FAM186B: variants seen among roughly 807,000 people sequenced by gnomAD.
FAM186B encodes the protein protein FAM186B.
A neutral mutation model predicts 83.4 loss-of-function variants in FAM186B; 68 were observed. That is an observed-to-expected ratio of 0.81 (90% CI 0.67 to 1.00). The LOEUF (loss-of-function observed/expected upper bound fraction) is 1.00, where lower values mean the gene tolerates loss of function less well. Among genes scored for constraint, FAM186B ranks in the 50% least tolerant of loss-of-function variants. FAM186B has a pLI of 0.00. For missense variants in FAM186B, 983 were observed against 1,099.2 expected, an observed-to-expected ratio of 0.89 and a Z score of 1.49; for synonymous variants, 389 against 422.0, an observed-to-expected ratio of 0.92 and a Z score of 0.96.
In FAM186B at chr12:49,600,234, C is replaced by T; in HGVS notation, c.1406G>A (p.Arg469Lys). ...CTCTTGGCTCTCAGAGGTCACCTGC[C>T]TGGAGCTCTCTAGAGACAGCTGCTT... ...CSKQLSLESS[R>K]QVTSESQEEP... The change falls in exon 4 of 7, where the codon AGG becomes AAG. Residue 469 changes from arginine to lysine, a missense_variant. By Grantham distance (26) the Arg-to-Lys change is conservative (BLOSUM62 2). Transcript: ENST00000257894. The surrounding 1 kb of genome is among the most constrained non-coding windows in gnomAD (Gnocchi z 4.3). The T allele has an allele frequency of 6.2e-7, 1 of 1,613,472 alleles. No homozygotes were observed.
chr12:49,599,591 C>T lies in FAM186B; in HGVS notation c.2049G>A (p.Arg683=). 1 of 1,612,992 alleles carries T rather than the reference C, an allele frequency of 6.2e-7. No homozygotes were observed. The highest frequency in any genetic ancestry group is 1.1e-5 in the South Asian group (1 of 90,916). ...CTTTGCTGCGCAGGTAGTGGGGCAG[C>T]CTCAACTCAGACTCCTCACTCAGGA... The part of the protein sequence containing the change: ...LQLLSEESEL[R]LPHYLRSKAL... The change falls in exon 4 of 7, where the codon AGG becomes AGA. Residue 683 remains arginine (R), a synonymous_variant. Coordinates refer to ENST00000257894, the MANE Select transcript of FAM186B (RefSeq NM_032130.3).
intron 6 of FAM186B, 65 bp from the exon 7 acceptor site, chr12:49,587,817 C>T: frequency 2.6e-6 from 4 of 1,540,072 alleles, no homozygotes; most frequent in Non-Finnish European, 3.5e-6. Context: ...AAGAGACTCT[C>T]CAGAGCCATC....
the FAM186B span, among the ~76,000 whole-genome samples, chr12:49,619,135 T>C: frequency 1.3e-5 from 2 of 152,158 alleles, no homozygotes; most frequent in Non-Finnish European, 2.9e-5. Context: ...AGGGTCACAG[T>C]TGAAAAATGA....
the FAM186B span, among the ~76,000 whole-genome samples, chr12:49,618,476 C>T: frequency 1.3e-5 from 2 of 151,262 alleles, no homozygotes; most frequent in Admixed American, 6.6e-5. Context: ...CTAAGACCTC[C>T]AAGAAAAGAA....
At chr12:49,601,165 A>G (rs764349884) in intron 3 of FAM186B, 31 bp from the exon 4 acceptor site, 13 of 1,518,040 alleles carry the variant, frequency 8.6e-6, no homozygotes, top group Non-Finnish European at 5.3e-6. Context: ...AAAGTCAACG[A>G]TTTCTCATGG....
intron 2 of FAM186B, among the ~76,000 whole-genome samples, 185 bp from the exon 3 acceptor site, chr12:49,603,552 C>T (rs1040019366): frequency 6.6e-5 from 10 of 152,128 alleles, no homozygotes; most frequent in Admixed American, 1.3e-4. Context: ...AAAAGAACTG[C>T]GTGAAGATTA....
At chr12:49,606,451 C>T (rs1369664992), upstream of FAM186B, among the ~76,000 whole-genome samples, 8 of 151,620 alleles carry the variant, frequency 5.3e-5, no homozygotes, top group Admixed American at 1.3e-4. Flanking sequence ...GCCATGTTCA[C>T]GCCACTACAC....
intron 5 of FAM186B, chr12:49,595,525 G>T: frequency 2.2e-6 from 1 of 462,338 alleles, no homozygotes; most frequent in South Asian, 1.7e-5. Flanking sequence ...AATGATGAAT[G>T]GAAGCCATTA....
chr12:49,588,736 G>C (rs764333762), intron 5 of FAM186B, 113 bp from the exon 6 acceptor site: 1 of 1,085,536 alleles, frequency 9.2e-7, no homozygotes, highest in Non-Finnish European at 1.3e-6. Context: ...GCTGAGTGGA[G>C]AGGGTAAGGC....
intron 3 of FAM186B, 119 bp from the exon 4 acceptor site, chr12:49,601,253 G>A (rs1227341392): frequency 2.2e-6 from 3 of 1,362,212 alleles, no homozygotes; most frequent in Non-Finnish European, 2.9e-6. Flanking sequence ...CGAGAGTAGG[G>A]AGCTGGGGCT....
chr12:49,595,429 ACTATCTGTGCAGGTC>A, intron 5 of FAM186B: 1 of 512,940 alleles, frequency 1.9e-6, no homozygotes, highest in East Asian at 4.8e-5. Context: ...CCTTATAGCC[ACTATCTGTGCAGGTC>A]CTACTGCTCT....
chr12:49,595,335 A>G, intron 5 of FAM186B: 1 of 591,836 alleles, frequency 1.7e-6, no homozygotes, highest in South Asian at 1.4e-5. Context: ...TAGTAGTTCT[A>G]CCAGGAGGTA....
chr12:49,598,781 T>C lies in FAM186B; in HGVS notation c.2338A>G (p.Ser780Gly). 6.2e-7 allele frequency: 1 copy of C among 1,610,494 alleles called. No homozygotes were observed. Among genetic ancestry groups the C allele is most frequent in the Non-Finnish European group, 8.5e-7 (1 of 1,179,484 alleles). Reference protein sequence around the residue: ...GLEEKHRECLSSMVTMFPKLQ... With the variant: ...GLEEKHRECLGSMVTMFPKLQ... ...TTGGGGAACATGGTCACCATGCTGCTCAGGCACTCTCGGTGCTTCTCCTCC... is the reference window on the plus strand; with the variant it reads ...TTGGGGAACATGGTCACCATGCTGCCCAGGCACTCTCGGTGCTTCTCCTCC... Residue 780 changes from serine (S) to glycine (G), a missense_variant, in exon 5 of 7, where the codon AGC becomes GGC. By Grantham distance (56) the Ser-to-Gly change is moderately conservative (BLOSUM62 0). Coordinates refer to ENST00000257894, the MANE Select transcript of FAM186B (RefSeq NM_032130.3).
rs1231147117 is a variant in FAM186B, at chr12:49,601,437, C to G, written c.506-303G>C. Among the ~76,000 whole-genome samples, 3 of 152,284 alleles carry G rather than the reference C, an allele frequency of 2.0e-5. No homozygotes were observed. The East Asian group carries it at 5.8e-4, about 29-fold the overall frequency. The stretch of plus-strand genomic sequence containing the variant: ...CATCCTCCTGGTCTTCCATGTTCTC[C>G]TGGGGTAGAGTTATTTTTCTAATCA... On this transcript the variant is annotated intron_variant, in intron 3 of 6. Transcript: ENST00000257894.
At chr12:49,603,014 G>C (rs1016717287) in intron 3 of FAM186B, among the ~76,000 whole-genome samples, 171 bp downstream of exon 3, 4 of 152,158 alleles carry the variant, frequency 2.6e-5, no homozygotes, top group African/African-American at 9.7e-5. Flanking sequence ...GAGCTGCTCA[G>C]TGCTTGGCCT....
chr12:49,604,782 T>C, intron 1 of FAM186B: 1 of 409,808 alleles, frequency 2.4e-6, no homozygotes, highest in East Asian at 4.0e-5. Flanking sequence ...TTATTATCAT[T>C]GTGATTATTA....
the FAM186B span, among the ~76,000 whole-genome samples, chr12:49,620,513 CA>C: frequency 7.6e-3 from 1,034 of 135,876 alleles, 3 homozygotes; most frequent in Non-Finnish European, 0.011. Context: ...ACTAAAAATA[CA>C]AAAAAAAAAA....
rs779338829 is a variant in FAM186B at position 49,587,679 on chromosome 12, T to A, written c.2608A>T (p.Thr870Ser). 6.2e-7 allele frequency: 1 copy of A among 1,613,184 alleles called. No homozygotes were observed. Among genetic ancestry groups the A allele is most frequent in the African/African-American group, 1.3e-5 (1 of 74,854 alleles). ...ASSSYAIEKKTPASLPRDQLR... is the reference protein window; with the variant it reads ...ASSSYAIEKKSPASLPRDQLR... ...TGGTCCCGGGGAAGGCTGGCAGGGGTCTTTTTTTCTATTGCGTAACTGGAG... is the reference window on the plus strand; with the variant it reads ...TGGTCCCGGGGAAGGCTGGCAGGGGACTTTTTTTCTATTGCGTAACTGGAG... Residue 870 changes from threonine (T) to serine (S), a missense_variant, in exon 7 of 7, where the codon ACC (threonine) becomes TCC (serine). Physicochemically the swap from Thr to Ser is moderately conservative, Grantham distance 58. Transcript: ENST00000257894.
At chr12:49,622,620 C>T in the FAM186B span, 1 of 152,304 alleles carries the variant, frequency 6.6e-6, no homozygotes, top group Admixed American at 6.5e-5. Context: ...GTGAATCCCA[C>T]TTCCTTTTCC....
Sources: gnomAD v4.1 joint callset for allele counts (sites outside exome capture counted in the v4.1 genomes callset) on GRCh38, gnomAD v4.1.1 for gene constraint, Gnocchi (gnomAD v3.1) non-coding constraint, MANE v1.5 for transcripts, NCBI Gene and HGNC (gene_info 2026-07-23, HGNC 2026-07-21) for gene names.